ESD: variants seen among roughly 807,000 people sequenced by gnomAD.
ESD encodes the protein S-formylglutathione hydrolase.
In ESD, 34 loss-of-function variants were observed where a neutral mutation model predicts 38.1. That is an observed-to-expected ratio of 0.89 (90% confidence interval 0.68 to 1.19). The LOEUF (loss-of-function observed/expected upper bound fraction) is 1.19, where lower values mean the gene tolerates loss of function less well. Ranked by LOEUF, ESD falls within the 50% of genes most tolerant of loss-of-function variation. The probability of loss-of-function intolerance (pLI) is 0.00; values close to 1 mark genes in which losing one functional copy is unlikely to be tolerated. For missense variants in ESD, 334 were observed against 327.2 expected (o/e 1.02, Z -0.16); for synonymous variants, 97 against 107.0 (o/e 0.91, Z 0.58).
intron 7 of ESD, 124 bp downstream of exon 7, chr13:46,781,372 A>G (rs189539052): frequency 2.4e-6 from 2 of 816,576 alleles, no homozygotes; most frequent in Non-Finnish European, 3.6e-6. Context: ...AAACACCCCA[A>G]AGTTCTCAAC....
At chr13:46,775,698 A>G (rs1366141457) in intron 9 of ESD, 1 of 468,938 alleles carries the variant, frequency 2.1e-6, no homozygotes, top group Non-Finnish European at 4.4e-6. Context: ...CCATGCTGGA[A>G]GTAAAGTGAA....
At chr13:46,772,774 T>A (rs1184914021) in intron 9 of ESD, among the ~76,000 whole-genome samples, 2 of 151,932 alleles carry the variant, frequency 1.3e-5, no homozygotes, top group African/African-American at 2.4e-5. Flanking sequence ...AACCTCCACA[T>A]CCCGGGTTCA....
In ESD at chr13:46,784,315, A is replaced by G; in HGVS notation, c.193T>C (p.Ser65Pro). The stretch of plus-strand genomic sequence containing the variant: ...TCTGAAGCAGACTGATGATAACCAG[A>G]TTTTGATATAAAATTTTGCTCTGTG... ...TCTEQNFISK[S>P]GYHQSASEHG... The change falls in exon 5 of 10, where the codon TCT (serine) becomes CCT (proline). Residue 65 changes from serine to proline, a missense_variant. Transcript: ENST00000378720. 1 of 1,611,510 alleles carries G rather than the reference A, an allele frequency of 6.2e-7. No individual in the cohort carries two copies. Among genetic ancestry groups the G allele is most frequent in the Non-Finnish European group, 8.5e-7 (1 of 1,178,774 alleles).
chr13:46,786,416 A>T (rs1316715237), intron 4 of ESD, among the ~76,000 whole-genome samples: 2 of 152,010 alleles, frequency 1.3e-5, no homozygotes, highest in African/African-American at 4.8e-5. Context: ...TCTGAAGATG[A>T]AGTACCAGCG....
chr13:46,776,376 T>G (rs1268104698), intron 9 of ESD: 1 of 152,122 alleles, frequency 6.6e-6, no homozygotes, highest in Non-Finnish European at 1.5e-5. Context: ...CAATTTCTCC[T>G]TGTGCTAGCT....
intron 1 of ESD, among the ~76,000 whole-genome samples, chr13:46,796,261 C>T (rs1257300618): frequency 6.6e-6 from 1 of 152,172 alleles, no homozygotes; most frequent in African/African-American, 2.4e-5. Flanking sequence ...CGGGTTCAAA[C>T]CCTGACTTCA....
chr13:46,795,417 T>A (rs2138309536), intron 1 of ESD, among the ~76,000 whole-genome samples: 1 of 152,342 alleles, frequency 6.6e-6, no homozygotes, highest in South Asian at 2.1e-4. Context: ...ATCTTAACCA[T>A]TCCTAAGTGT....
At chr13:46,790,008 A>T (rs12863514) in intron 3 of ESD, among the ~76,000 whole-genome samples, 72,556 of 135,678 alleles carry the variant, frequency 0.53, 19,820 homozygotes, top group East Asian at 0.69. Flanking sequence ...ATATATATAT[A>T]TTTTTTTTTT....
chr13:46,796,562 C>T (rs1253202900), intron 1 of ESD, among the ~76,000 whole-genome samples: 1 of 152,164 alleles, frequency 6.6e-6, no homozygotes, highest in Non-Finnish European at 1.5e-5. Flanking sequence ...TTTTACGACC[C>T]GAACAGATTT....
chr13:46,772,930 C>T (rs1299774501), intron 9 of ESD, among the ~76,000 whole-genome samples: 1 of 152,108 alleles, frequency 6.6e-6, no homozygotes, highest in Non-Finnish European at 1.5e-5. Context: ...GTGATCCGTC[C>T]ACCTTAGCCT....
chr13:46,786,275 T>C (rs575056229), intron 4 of ESD, among the ~76,000 whole-genome samples: 76 of 152,096 alleles, frequency 5.0e-4, no homozygotes, highest in African/African-American at 1.6e-3. Context: ...ATTTGGGACT[T>C]GTCCTTGATG....
rs137885443 is a variant in ESD at position 46,772,572 on chromosome 13, C to G, written c.769-1076G>C. ...AGCCGAGCATCCATCAGCTGTTCTT[C>G]CTGATGCTTTCCCCAACTCCCATCG... is the stretch of plus-strand genomic sequence containing the variant. On this transcript the variant is annotated intron_variant, in intron 9 of 9. Coordinates refer to ENST00000378720, the MANE Select transcript of ESD (RefSeq NM_001984.2). Among the ~76,000 whole-genome samples, 267 of 152,348 alleles carry G rather than the reference C, an allele frequency of 1.8e-3. 2 individuals are homozygous for G. Among genetic ancestry groups the G allele is most frequent in the African/African-American group, 5.7e-3 (235 of 41,582 alleles).
chr13:46,792,138 G>A (rs1566284595), intron 2 of ESD, among the ~76,000 whole-genome samples: 1 of 151,894 alleles, frequency 6.6e-6, no homozygotes, highest in African/African-American at 2.4e-5. Flanking sequence ...ATAAATACAG[G>A]AAAAAAGTTG....
intron 9 of ESD, 67 bp from the exon 10 acceptor site, chr13:46,771,563 A>C (rs1283013011): frequency 1.0e-6 from 1 of 996,896 alleles, no homozygotes; most frequent in Non-Finnish European, 1.6e-6. Flanking sequence ...GGAACATTAA[A>C]TATATCTCTA....
At chr13:46,784,637 C>T (rs771310545) in intron 4 of ESD, among the ~76,000 whole-genome samples, 10 of 151,800 alleles carry the variant, frequency 6.6e-5, no homozygotes, top group Non-Finnish European at 1.2e-4. Flanking sequence ...GGTTTATAAG[C>T]TTTAAACTGT....
rs143158972 is a variant in ESD, at chr13:46,777,466, C to T, written c.758G>A (p.Arg253Gln). The T allele has an allele frequency of 4.6e-4, 731 of 1,601,862 alleles. No homozygotes were observed. Among genetic ancestry groups the T allele is most frequent in the Non-Finnish European group, 5.8e-4 (684 of 1,172,768 alleles). ...TTTCCTAATACTTGCCTCTTGCAAT[C>T]GAAAAACAACGGGGATTTTCTTTTC... ...CTEKKIPVVF[R>Q]LQEGYDHSYY... is the part of the protein sequence containing the mutation. The change falls in exon 9 of 10, where the codon CGA becomes CAA. Residue 253 changes from arginine (R) to glutamine (Q), a missense_variant. Physicochemically the swap from Arg to Gln is conservative, Grantham distance 43. Transcript: ENST00000378720.
In ESD at chr13:46,781,629, A is replaced by C; in HGVS notation, c.382-14T>G. The C allele has an allele frequency of 1.9e-6, 3 of 1,598,098 alleles. No homozygotes were observed. Among genetic ancestry groups the C allele is most frequent in the Non-Finnish European group, 2.6e-6 (3 of 1,169,902 alleles). On this transcript the variant is annotated splice_polypyrimidine_tract_variant and intron_variant, in intron 6 of 9. Coordinates refer to ENST00000378720, the MANE Select transcript of ESD (RefSeq NM_001984.2). ...GAGTTGGGGAAGCTAGAAAAAATTTAATAGTGTGACAAAAGATATCAAAGA... is the reference window on the plus strand; with the variant it reads ...GAGTTGGGGAAGCTAGAAAAAATTTCATAGTGTGACAAAAGATATCAAAGA...
chr13:46,775,562 T>A, intron 9 of ESD: 1 of 449,384 alleles, frequency 2.2e-6, no homozygotes, highest in Non-Finnish European at 4.6e-6. Flanking sequence ...GGGTCAAAGC[T>A]GGCAAGAAAA....
At position 46,787,850 on chromosome 13, in the gene ESD, A is replaced by G. The variant is rs140647472; in HGVS notation, c.69-741T>C. On this transcript the variant is annotated intron_variant, in intron 3 of 9. Coordinates refer to ENST00000378720, the MANE Select transcript of ESD (RefSeq NM_001984.2). ...ACTCTCCAACCTTCTCATTTTCCAT[A>G]TTCCAGAGATAATTAATTTACCTCT... is the stretch of plus-strand genomic sequence containing the variant. Among the ~76,000 whole-genome samples the G allele has an allele frequency of 3.3e-5, 5 of 152,082 alleles. No homozygotes were observed. The East Asian group carries it at 9.6e-4, about 29-fold the overall frequency.
Sources: gnomAD v4.1 joint callset for allele counts (sites outside exome capture counted in the v4.1 genomes callset) on GRCh38, gnomAD v4.1.1 for gene constraint, MANE v1.5 for transcripts, NCBI Gene and HGNC (gene_info 2026-07-23, HGNC 2026-07-21) for gene names.